HDAC9: variants seen among roughly 807,000 people sequenced by gnomAD.
The protein encoded by HDAC9 is MEF-2 interacting transcription repressor (MITR) protein.
In HDAC9, 41 loss-of-function variants were observed where a neutral mutation model predicts 139.4. The ratio of observed to expected loss-of-function variants is 0.29; its 90% CI spans 0.23 to 0.38. The LOEUF (loss-of-function observed/expected upper bound fraction) is 0.38, where lower values mean the gene tolerates loss of function less well. HDAC9 is among the 10% of genes least tolerant of loss of function. The probability of loss-of-function intolerance (pLI) is 1.00; values close to 1 mark genes in which losing one functional copy is unlikely to be tolerated. For missense variants in HDAC9, 1,147 were observed against 1,297.0 expected (o/e 0.88, Z 1.78); for synonymous variants, 517 against 476.2 (o/e 1.09, Z -1.12).
chr7:18,942,443 G>A (rs1487683173), intron 23 of HDAC9, among the ~76,000 whole-genome samples: 1 of 151,960 alleles, frequency 6.6e-6, no homozygotes, highest in South Asian at 2.1e-4. Flanking sequence ...CTGGGTAATG[G>A]AATATCATAA....
chr7:18,406,496 C>T (rs925152924), intron 1 of HDAC9, among the ~76,000 whole-genome samples: 2 of 152,026 alleles, frequency 1.3e-5, no homozygotes, highest in African/African-American at 4.8e-5. Context: ...CGGGTTTACG[C>T]CATTTTCCTG....
intron 21 of HDAC9, among the ~76,000 whole-genome samples, chr7:18,856,956 C>A (rs1253932969): frequency 6.6e-6 from 1 of 152,136 alleles, no homozygotes; most frequent in Non-Finnish European, 1.5e-5. Context: ...TGAAGGAAAT[C>A]ACAGTGCAGT....
chr7:18,908,767 A>G (rs374407223), intron 22 of HDAC9, among the ~76,000 whole-genome samples: 1 of 152,080 alleles, frequency 6.6e-6, no homozygotes, highest in South Asian at 2.1e-4. Flanking sequence ...ATAAGATTCC[A>G]TTGTCTATTT....
chr7:18,706,927 A>G (rs1205438410), intron 12 of HDAC9, among the ~76,000 whole-genome samples: 1 of 152,198 alleles, frequency 6.6e-6, no homozygotes, highest in Non-Finnish European at 1.5e-5. Context: ...ATCCAAGTGT[A>G]TGGCTGAGAG....
intron 1 of HDAC9, among the ~76,000 whole-genome samples, chr7:18,154,525 ATTACT>A (rs1314729434): frequency 6.6e-6 from 1 of 152,182 alleles, no homozygotes; most frequent in Non-Finnish European, 1.5e-5. Flanking sequence ...CTTACCAATG[ATTACT>A]TTACATTTAT....
chr7:18,590,631 A>C (rs376343708), intron 4 of HDAC9, 145 bp downstream of exon 4: 2 of 847,968 alleles, frequency 2.4e-6, no homozygotes, highest in East Asian at 5.4e-5. Flanking sequence ...ACCCAACTGT[A>C]AAGTTTTGAC....
intron 2 of HDAC9, among the ~76,000 whole-genome samples, chr7:18,205,085 T>C (rs1229837521): frequency 6.6e-6 from 1 of 151,980 alleles, no homozygotes; most frequent in African/African-American, 2.4e-5. Flanking sequence ...ATTATAATGA[T>C]AGTATATGGC....
intron 2 of HDAC9, among the ~76,000 whole-genome samples, chr7:18,202,828 A>G (rs904576468): frequency 6.6e-6 from 1 of 152,172 alleles, no homozygotes; most frequent in Non-Finnish European, 1.5e-5. Context: ...TACACCTGGA[A>G]TGATGCTCAA....
At chr7:18,269,524 A>G (rs891825696) in intron 2 of HDAC9, among the ~76,000 whole-genome samples, 2 of 152,070 alleles carry the variant, frequency 1.3e-5, no homozygotes, top group African/African-American at 2.4e-5. Context: ...CAGTCTCCAG[A>G]GTTTACTGAT....
intron 6 of HDAC9, among the ~76,000 whole-genome samples, chr7:18,612,223 G>A (rs938706569): frequency 2.6e-5 from 4 of 151,954 alleles, no homozygotes; most frequent in Non-Finnish European, 5.9e-5. Context: ...ATTACAAAAG[G>A]GATCTTTTGT....
intron 2 of HDAC9, among the ~76,000 whole-genome samples, chr7:18,200,071 A>G (rs1791009778): frequency 6.6e-6 from 1 of 152,214 alleles, no homozygotes; most frequent in Non-Finnish European, 1.5e-5. Flanking sequence ...GTAATTTTCC[A>G]TTTGTAACAT....
chr7:18,724,309 C>T (rs539676176), intron 12 of HDAC9, among the ~76,000 whole-genome samples: 1 of 152,180 alleles, frequency 6.6e-6, no homozygotes, highest in African/African-American at 2.4e-5. Flanking sequence ...TGTACCTAGG[C>T]CATATATGAT....
chr7:18,831,840 T>G (rs994364366), intron 19 of HDAC9, among the ~76,000 whole-genome samples: 2 of 152,086 alleles, frequency 1.3e-5, no homozygotes, highest in Non-Finnish European at 2.9e-5. Flanking sequence ...TCCAAAGTCA[T>G]TAATGTTAGC....
intron 22 of HDAC9, among the ~76,000 whole-genome samples, chr7:18,909,281 G>GTA (rs1175735833): frequency 6.7e-6 from 1 of 148,520 alleles, no homozygotes; most frequent in Non-Finnish European, 1.5e-5. Context: ...TGGGTTCCTT[G>GTA]TATATATATT....
chr7:18,846,362 C>T (rs747228432), intron 21 of HDAC9, among the ~76,000 whole-genome samples: 40 of 152,110 alleles, frequency 2.6e-4, no homozygotes, highest in Non-Finnish European at 5.3e-4. Flanking sequence ...CACCCTCAGA[C>T]AAAAAACTTA....
chr7:18,935,989 G>T (rs1484520771), intron 23 of HDAC9, 47 bp downstream of exon 23: 1 of 1,560,916 alleles, frequency 6.4e-7, no homozygotes, highest in Admixed American at 1.9e-5. Context: ...AATCAGGGAT[G>T]TATGCATGCA....
At chr7:18,719,907 C>T (rs1785015074) in intron 12 of HDAC9, among the ~76,000 whole-genome samples, 2 of 152,204 alleles carry the variant, frequency 1.3e-5, no homozygotes, top group East Asian at 3.9e-4. Context: ...AATATTTTGC[C>T]CTGCTGAATT....
chr7:18,498,296 G>A (rs984602938), intron 2 of HDAC9, among the ~76,000 whole-genome samples: 3 of 151,904 alleles, frequency 2.0e-5, no homozygotes, highest in African/African-American at 7.3e-5. Flanking sequence ...CTCAAAGTTG[G>A]ACTCACCAGA....
At chr7:18,206,062 A>T (rs1791489314) in intron 2 of HDAC9, among the ~76,000 whole-genome samples, 1 of 152,192 alleles carries the variant, frequency 6.6e-6, no homozygotes, top group Non-Finnish European at 1.5e-5. Flanking sequence ...TGCTTTTGAA[A>T]TGAATGATAG....
Sources: allele counts gnomAD v4.1 joint callset (sites outside exome capture counted in the v4.1 genomes callset), GRCh38; gene constraint gnomAD v4.1.1; transcripts MANE v1.5; gene names NCBI Gene and HGNC (gene_info 2026-07-23, HGNC 2026-07-21).